TTC28: variants seen among roughly 807,000 people sequenced by gnomAD.
The protein encoded by TTC28 is tetratricopeptide repeat protein 28.
In TTC28, 61 loss-of-function variants were observed where a neutral mutation model predicts 198.0. That is an observed-to-expected ratio of 0.31 (90% CI 0.25 to 0.38). The LOEUF (loss-of-function observed/expected upper bound fraction) is 0.38. Among genes scored for constraint, TTC28 ranks in the 10% least tolerant of loss-of-function variants. TTC28 has a pLI of 1.00. For synonymous variants in TTC28, 1,171 were observed against 1,297.8 expected, an observed-to-expected ratio of 0.90 and a Z score of 2.10; for missense variants, 2,678 against 3,164.0, an observed-to-expected ratio of 0.85 and a Z score of 3.69.
At chr22:28,595,280 G>A (rs1168122879) in intron 2 of TTC28, among the ~76,000 whole-genome samples, 1 of 152,048 alleles carries the variant, frequency 6.6e-6, no homozygotes, top group African/African-American at 2.4e-5. Context: ...AAAAGTAAAT[G>A]GCAAGGTTAA....
intron 5 of TTC28, among the ~76,000 whole-genome samples, chr22:28,256,947 G>A (rs1043150794): frequency 6.6e-6 from 1 of 152,192 alleles, no homozygotes; most frequent in Non-Finnish European, 1.5e-5. Flanking sequence ...GGCTGAGGTG[G>A]GAGAACTGTC....
At chr22:28,183,089 C>T (rs1041948170) in intron 5 of TTC28, among the ~76,000 whole-genome samples, 13 of 150,750 alleles carry the variant, frequency 8.6e-5, no homozygotes, top group Admixed American at 6.6e-4. Flanking sequence ...GACTGAGTCT[C>T]GCTCTGTCAC....
At chr22:28,631,038 T>C (rs1170244077) in intron 1 of TTC28, among the ~76,000 whole-genome samples, 1 of 152,156 alleles carries the variant, frequency 6.6e-6, no homozygotes, top group Non-Finnish European at 1.5e-5. Flanking sequence ...AGGATCACTT[T>C]AGCCCAGGAA....
intron 5 of TTC28, among the ~76,000 whole-genome samples, chr22:28,202,511 T>C (rs1926057622): frequency 6.7e-6 from 1 of 149,432 alleles, no homozygotes; most frequent in South Asian, 2.1e-4. Flanking sequence ...CACTCCAGCC[T>C]GGGGAACAAC....
intron 12 of TTC28, among the ~76,000 whole-genome samples, chr22:28,083,315 T>C (rs778457217): frequency 3.9e-5 from 6 of 152,090 alleles, no homozygotes; most frequent in Non-Finnish European, 8.8e-5. Context: ...AAAGAAGGCA[T>C]AGTGGTTGAA....
At chr22:28,196,510 A>C (rs1486409149) in intron 5 of TTC28, among the ~76,000 whole-genome samples, 1 of 152,178 alleles carries the variant, frequency 6.6e-6, no homozygotes, top group Non-Finnish European at 1.5e-5. Context: ...CACCCTACAG[A>C]ATGGGAGAAA....
chr22:28,591,008 AACACACACACACACACAC>A (rs55694132), intron 2 of TTC28, among the ~76,000 whole-genome samples: 1 of 55,132 alleles, frequency 1.8e-5, no homozygotes, highest in African/African-American at 6.8e-5. Flanking sequence ...CTCTGCCTCA[AACACACACACACACACAC>A]ACACACACAC....
intron 2 of TTC28, among the ~76,000 whole-genome samples, chr22:28,402,691 C>T (rs134544): frequency 6.6e-6 from 1 of 152,004 alleles, no homozygotes. Context: ...AAGTTACTGA[C>T]CCACTCTTAA....
At chr22:28,133,432 G>C (rs965442391) in intron 6 of TTC28, among the ~76,000 whole-genome samples, 1 of 152,206 alleles carries the variant, frequency 6.6e-6, no homozygotes, top group Admixed American at 6.5e-5. Flanking sequence ...CTCAGGAAGT[G>C]CAAGGGGTCA....
chr22:28,500,746 T>C (rs1039708479), intron 2 of TTC28, among the ~76,000 whole-genome samples: 3 of 152,160 alleles, frequency 2.0e-5, no homozygotes, highest in Admixed American at 6.5e-5. Context: ...TTCTATTTAT[T>C]AGCAGTAACA....
At chr22:28,217,655 C>A (rs765554418) in intron 5 of TTC28, among the ~76,000 whole-genome samples, 17 of 152,130 alleles carry the variant, frequency 1.1e-4, no homozygotes, top group Non-Finnish European at 2.1e-4. Flanking sequence ...AGAAGCAGCA[C>A]AGTATAATGC....
In TTC28 at chr22:28,537,297, A is replaced by AC; in HGVS notation, c.381+92254_381+92255insG. 3.1e-5 allele frequency among the ~76,000 whole-genome samples: 3 copies of AC among 98,248 alleles called. 1 individual carries two copies. Among genetic ancestry groups the AC allele is most frequent in the East Asian group, 4.4e-4 (2 of 4,552 alleles). The allele number at this position is 98,248 out of a possible 152,430, so 64.5% of individuals were successfully genotyped here. ...GACAGAGCCAGACTCCGTCTCAAAA[A>AC]TAAAATAAAATAAAATAAAATAAAA... is the stretch of plus-strand genomic sequence containing the variant. On this transcript the variant is annotated intron_variant, in intron 2 of 22. Coordinates refer to ENST00000397906, the MANE Select transcript of TTC28 (RefSeq NM_001145418.2).
intron 5 of TTC28, among the ~76,000 whole-genome samples, chr22:28,293,426 C>A (rs1480109760): frequency 2.6e-5 from 4 of 151,994 alleles, no homozygotes; most frequent in Non-Finnish European, 5.9e-5. Context: ...TAGCTGAATT[C>A]ATGCAAGCAG....
chr22:28,536,179 A>T (rs1401715384), intron 2 of TTC28, among the ~76,000 whole-genome samples: 3 of 138,414 alleles, frequency 2.2e-5, no homozygotes, highest in Non-Finnish European at 4.7e-5. Flanking sequence ...AGCCTGGGCG[A>T]CAGAGCGAGA....
intron 2 of TTC28, among the ~76,000 whole-genome samples, chr22:28,600,176 C>A (rs1221907693): frequency 6.6e-6 from 1 of 152,002 alleles, no homozygotes. Context: ...AAGAGGGATG[C>A]TTGAATCCAG....
At chr22:28,534,383 G>C (rs1326397312) in intron 2 of TTC28, among the ~76,000 whole-genome samples, 1 of 152,186 alleles carries the variant, frequency 6.6e-6, no homozygotes, top group Admixed American at 6.5e-5. Flanking sequence ...ACACCAGTTA[G>C]AATGGCGATC....
intron 2 of TTC28, among the ~76,000 whole-genome samples, chr22:28,399,383 C>G (rs1032088299): frequency 1.4e-5 from 2 of 144,110 alleles, no homozygotes; most frequent in Admixed American, 7.3e-5. Context: ...GTGGCACAGT[C>G]ATAGCTCGTT....
intron 5 of TTC28, among the ~76,000 whole-genome samples, chr22:28,233,294 T>C (rs1928957795): frequency 6.6e-6 from 1 of 152,178 alleles, no homozygotes; most frequent in African/African-American, 2.4e-5. Flanking sequence ...TTCTGGATAA[T>C]CTCATAATTT....
intron 12 of TTC28, among the ~76,000 whole-genome samples, chr22:28,054,451 A>G (rs186318104): frequency 1.2e-4 from 18 of 152,308 alleles, no homozygotes; most frequent in Non-Finnish European, 1.0e-4. Flanking sequence ...GTTTCATTTT[A>G]AAATCAGGGT....
Sources: gnomAD v4.1 joint callset for allele counts (sites outside exome capture counted in the v4.1 genomes callset) on GRCh38, gnomAD v4.1.1 for gene constraint, MANE v1.5 for transcripts, NCBI Gene and HGNC (gene_info 2026-07-23, HGNC 2026-07-21) for gene names.